Variants in POU6F2 observed in about 807,000 individuals in gnomAD.
POU6F2 encodes the protein POU domain, class 6, transcription factor 2.
A neutral mutation model predicts 71.3 loss-of-function variants in POU6F2; 31 were observed. That is an observed-to-expected ratio of 0.43 (90% CI 0.33 to 0.59). The LOEUF is 0.59. POU6F2 is among the 20% of genes least tolerant of loss of function. The pLI, the probability that POU6F2 is intolerant of heterozygous loss-of-function variation, is 0.04. For synonymous variants in POU6F2, 347 were observed against 355.7 expected (o/e 0.98, Z 0.27); for missense variants, 783 against 856.8 (o/e 0.91, Z 1.07).
At chr7:39,310,173 A>G (rs1449400660) in intron 4 of POU6F2, among the ~76,000 whole-genome samples, 2 of 152,146 alleles carry the variant, frequency 1.3e-5, no homozygotes, top group South Asian at 2.1e-4. Context: ...AGTGCTTTAC[A>G]ATGAGCGGAA....
chr7:39,353,644 C>T (rs192102895), intron 5 of POU6F2, among the ~76,000 whole-genome samples: 1 of 152,196 alleles, frequency 6.6e-6, no homozygotes, highest in East Asian at 1.9e-4. Flanking sequence ...CTTTTCCTGC[C>T]TGGGACGTTT....
chr7:39,386,920 C>A (rs1173905633), intron 5 of POU6F2, among the ~76,000 whole-genome samples: 8 of 152,196 alleles, frequency 5.3e-5, no homozygotes, highest in Admixed American at 1.3e-4. Flanking sequence ...TCTGCAGCGC[C>A]CCCTTGCATT....
At position 39,350,201 on chromosome 7, in the gene POU6F2, T is replaced by C. The variant is rs1402070081; in HGVS notation, c.972+10186T>C. ...ATAAAAAAGAAGTAAAGTTAGAGAT[T>C]CCTTTTTTTTTTTCTCAGCTGGACT... On this transcript the variant is annotated intron_variant, in intron 5 of 9. Transcript: ENST00000518318. Among the ~76,000 whole-genome samples, 3 of 151,876 alleles carry C rather than the reference T, an allele frequency of 2.0e-5. No homozygotes were observed. The East Asian group carries it at 5.8e-4, about 29-fold the overall frequency.
intron 5 of POU6F2, among the ~76,000 whole-genome samples, chr7:39,402,101 C>A (rs1347807478): frequency 2.0e-5 from 3 of 152,182 alleles, no homozygotes; most frequent in Non-Finnish European, 4.4e-5. Context: ...AAACTGAATT[C>A]TTTTCAGGAT....
chr7:39,339,772 G>A lies in POU6F2; in HGVS notation c.729G>A (p.Gln243=). Residue 243 remains glutamine, a synonymous_variant, in exon 5 of 10, where the codon CAG becomes CAA. Transcript: ENST00000518318. The part of the protein sequence containing the change: ...HPQPAPQAPS[Q]SQQQPLQPTP... ...AACCAGCCCCACAGGCGCCCTCGCA[G>A]TCCCAGCAGCAGCCGCTGCAGCCCA... 1.9e-6 allele frequency: 3 copies of A among 1,583,596 alleles called. No individual in the cohort carries two copies. The highest frequency in any genetic ancestry group is 2.6e-6 in the Non-Finnish European group (3 of 1,165,402).
At chr7:39,081,922 T>G (rs1194102898) in intron 1 of POU6F2, among the ~76,000 whole-genome samples, 2 of 152,194 alleles carry the variant, frequency 1.3e-5, no homozygotes, top group Non-Finnish European at 2.9e-5. Flanking sequence ...GGTTTGAAAA[T>G]GCAGCTTTAC....
chr7:39,464,268 C>G lies in POU6F2; in HGVS notation c.1745C>G (p.Pro582Arg). 6.2e-7 allele frequency: 1 copy of G among 1,614,042 alleles called. No homozygotes were observed. Among genetic ancestry groups the G allele is most frequent in the African/African-American group, 1.3e-5 (1 of 75,064 alleles). Reference sequence around the variant, plus strand: ...AGCAGTCTGACAGCCAAACTGAACCCTGGCCTTTTGTATCCTGCCAGGTTT... The same window carrying G: ...AGCAGTCTGACAGCCAAACTGAACCGTGGCCTTTTGTATCCTGCCAGGTTT... ...IASSLTAKLN[P>R]GLLYPARFEK... Residue 582 changes from proline to arginine, a missense_variant, in exon 10 of 10, where the codon CCT becomes CGT. Physicochemically the swap from Pro to Arg is moderately radical, Grantham distance 103. Transcript: ENST00000518318. This position sits in a 1 kb window ranked among gnomAD's most constrained non-coding sequence, Gnocchi z 4.1.
intron 4 of POU6F2, among the ~76,000 whole-genome samples, chr7:39,319,724 A>T (rs1785346691): frequency 6.6e-6 from 1 of 152,186 alleles, no homozygotes; most frequent in Non-Finnish European, 1.5e-5. Flanking sequence ...CAAGAGGCCA[A>T]CACAGGTCTG....
intron 4 of POU6F2, among the ~76,000 whole-genome samples, chr7:39,218,295 T>C (rs1794281073): frequency 6.6e-6 from 1 of 152,164 alleles, no homozygotes; most frequent in East Asian, 1.9e-4. Flanking sequence ...ACTTCTCTTC[T>C]GGAACCAAAA....
At position 39,410,585 on chromosome 7, in the gene POU6F2, G is replaced by T. The variant is rs149874063; in HGVS notation, c.1113+3845G>T. On this transcript the variant is annotated intron_variant, in intron 6 of 9. Coordinates refer to ENST00000518318, the MANE Select transcript of POU6F2 (RefSeq NM_001370959.1). Reference sequence around the variant, plus strand: ...TGAATTCCAGGTTGGCCCATAACTGGCTCTGTGACGTCGGGCAAATTACTT... The same window carrying T: ...TGAATTCCAGGTTGGCCCATAACTGTCTCTGTGACGTCGGGCAAATTACTT... Among the ~76,000 whole-genome samples the T allele has an allele frequency of 2.9e-3, 446 of 152,256 alleles. 1 individual carries two copies. Among genetic ancestry groups the T allele is most frequent in the Middle Eastern group, 6.8e-3 (2 of 294 alleles).
At chr7:39,306,572 A>G (rs979366069) in intron 4 of POU6F2, among the ~76,000 whole-genome samples, 12 of 152,120 alleles carry the variant, frequency 7.9e-5, no homozygotes, top group African/African-American at 2.7e-4. Flanking sequence ...TCTACTTTCT[A>G]GAATGTATTA....
intron 2 of POU6F2, among the ~76,000 whole-genome samples, chr7:39,164,157 G>T (rs139357455): frequency 1.3e-5 from 2 of 151,600 alleles, no homozygotes; most frequent in South Asian, 2.1e-4. Flanking sequence ...TAGCCATTCC[G>T]CAATGTATAC....
rs1786965863 is a variant in POU6F2 at position 39,387,293 on chromosome 7, T to C, written c.973-19307T>C. Among the ~76,000 whole-genome samples the C allele has an allele frequency of 2.6e-5, 4 of 152,340 alleles. No individual in the cohort carries two copies. The South Asian group carries it at 8.3e-4, about 32-fold the overall frequency. ...CATGGCCCTGTTCCAAATCCCCACCTACCAGTACTAAGAACCATTTCATAG... is the reference window on the plus strand; with the variant it reads ...CATGGCCCTGTTCCAAATCCCCACCCACCAGTACTAAGAACCATTTCATAG... On this transcript the variant is annotated intron_variant, in intron 5 of 9. Transcript: ENST00000518318.
chr7:39,248,108 AAAAG>A (rs1275452069), intron 4 of POU6F2, among the ~76,000 whole-genome samples: 20 of 152,148 alleles, frequency 1.3e-4, no homozygotes, highest in African/African-American at 4.1e-4. Flanking sequence ...CAGGAAAAAA[AAAAG>A]AAAGAAAGCA....
intron 4 of POU6F2, among the ~76,000 whole-genome samples, chr7:39,336,165 A>G (rs1301812906): frequency 1.3e-5 from 2 of 152,242 alleles, no homozygotes. Flanking sequence ...ACACTTTATT[A>G]AATCTATTTT....
intron 1 of POU6F2, among the ~76,000 whole-genome samples, chr7:39,036,219 C>T (rs189921568): frequency 1.3e-5 from 2 of 152,214 alleles, no homozygotes; most frequent in African/African-American, 4.8e-5. Context: ...TTCTTTTAAT[C>T]ATCTCTAGAC....
At chr7:39,375,360 G>T (rs544010702) in intron 5 of POU6F2, among the ~76,000 whole-genome samples, 4 of 152,246 alleles carry the variant, frequency 2.6e-5, no homozygotes, top group African/African-American at 9.6e-5. Flanking sequence ...TTCTCCTAGG[G>T]ATGGCTATTT....
At chr7:39,383,181 A>G (rs553067605) in intron 5 of POU6F2, among the ~76,000 whole-genome samples, 4 of 152,288 alleles carry the variant, frequency 2.6e-5, no homozygotes, top group East Asian at 3.9e-4. Context: ...ATTTTCTACA[A>G]CAAATTTGTA....
At chr7:39,433,503 A>G (rs1788161305) in intron 7 of POU6F2, among the ~76,000 whole-genome samples, 1 of 152,248 alleles carries the variant, frequency 6.6e-6, no homozygotes, top group African/African-American at 2.4e-5. Context: ...ATAAGAATAT[A>G]TTAAATTACA....
Sources: gnomAD v4.1 joint callset for allele counts (sites outside exome capture counted in the v4.1 genomes callset) on GRCh38, gnomAD v4.1.1 for gene constraint, Gnocchi (gnomAD v3.1) non-coding constraint, MANE v1.5 for transcripts, NCBI Gene and HGNC (gene_info 2026-07-23, HGNC 2026-07-21) for gene names.